ELL2: variants seen among roughly 807,000 people sequenced by gnomAD.
The protein encoded by ELL2 is RNA polymerase II elongation factor ELL2.
In ELL2, 21 loss-of-function variants were observed where a neutral mutation model predicts 72.8. The ratio of observed to expected loss-of-function variants is 0.29; its 90% CI spans 0.20 to 0.42. The LOEUF (loss-of-function observed/expected upper bound fraction) is 0.42, where lower values mean the gene tolerates loss of function less well. Ranked by LOEUF, ELL2 falls within the 10% of genes least tolerant of loss-of-function variation. ELL2 has a pLI of 1.00. For missense variants in ELL2, 568 were observed against 772.8 expected, an observed-to-expected ratio of 0.73 and a Z score of 3.14; for synonymous variants, 266 against 283.2, an observed-to-expected ratio of 0.94 and a Z score of 0.61.
intron 2 of ELL2, among the ~76,000 whole-genome samples, chr5:95,942,611 A>G (rs182996773): frequency 6.6e-6 from 1 of 152,320 alleles, no homozygotes; most frequent in African/African-American, 2.4e-5. Context: ...AAGTGCACAC[A>G]CAGCAAAATT....
rs1264281429 is a variant in ELL2, at chr5:95,886,254, T to A, written c.*2617A>T. On this transcript the variant is annotated 3_prime_UTR_variant, in exon 12 of 12. Coordinates refer to ENST00000237853, the MANE Select transcript of ELL2 (RefSeq NM_012081.6). ...CGAAAAATGATTATAAATATTTTAA[T>A]AGGCTCATGCCTCATCTTCAAAAGG... The A allele has an allele frequency of 1.3e-5, 2 of 152,222 alleles. No homozygotes were observed. The highest frequency in any genetic ancestry group is 4.8e-5 in the African/African-American group (2 of 41,468). The allele number at this position is 152,222 out of a possible 1,614,324, so 9.4% of individuals were successfully genotyped here.
intron 5 of ELL2, 162 bp from the exon 6 acceptor site, chr5:95,901,242 C>T (rs924199725): frequency 8.9e-6 from 6 of 670,782 alleles, no homozygotes; most frequent in Non-Finnish European, 1.1e-5. Context: ...ATGCCATTAA[C>T]TTCATTTTGG....
chr5:95,914,801 C>A (rs138194963), intron 3 of ELL2, among the ~76,000 whole-genome samples: 2 of 151,730 alleles, frequency 1.3e-5, no homozygotes, highest in East Asian at 3.9e-4. Context: ...GCTGAGATGG[C>A]GCCACTGCAC....
At chr5:95,937,650 A>G (rs1211842366) in intron 2 of ELL2, among the ~76,000 whole-genome samples, 1 of 152,194 alleles carries the variant, frequency 6.6e-6, no homozygotes, top group African/African-American at 2.4e-5. Flanking sequence ...AAAATATTAG[A>G]TGATATCTAT....
At chr5:95,919,372 C>T (rs1749958524) in intron 3 of ELL2, 52 bp downstream of exon 3, 2 of 1,554,376 alleles carry the variant, frequency 1.3e-6, no homozygotes, top group Non-Finnish European at 1.7e-6. Context: ...TTTTCTAAAA[C>T]CCTCTTAAAT....
intron 9 of ELL2, among the ~76,000 whole-genome samples, chr5:95,892,149 CTT>C (rs58579572): frequency 4.2e-5 from 6 of 144,088 alleles, no homozygotes; most frequent in Non-Finnish European, 3.1e-5. Flanking sequence ...TACAGTATTA[CTT>C]TTTTTTTTTT....
At chr5:95,938,670 T>C (rs1327353390) in intron 2 of ELL2, among the ~76,000 whole-genome samples, 1 of 152,108 alleles carries the variant, frequency 6.6e-6, no homozygotes, top group Non-Finnish European at 1.5e-5. Context: ...TGCAGTAAGC[T>C]ATGATTGTGC....
At chr5:95,927,812 T>C (rs1044862044) in intron 2 of ELL2, among the ~76,000 whole-genome samples, 1 of 117,126 alleles carries the variant, frequency 8.5e-6, no homozygotes, top group Admixed American at 7.7e-5. Context: ...CACATATGTG[T>C]GTATATAGAC....
intron 3 of ELL2, among the ~76,000 whole-genome samples, chr5:95,916,135 G>A (rs775047035): frequency 4.0e-5 from 6 of 151,144 alleles, no homozygotes; most frequent in Admixed American, 6.7e-5. Context: ...CAGAGATAGT[G>A]AGGAAGTGGA....
chr5:95,950,898 GTATGTGTATATATA>G (rs1196413832), intron 1 of ELL2, among the ~76,000 whole-genome samples: 2 of 29,284 alleles, frequency 6.8e-5, no homozygotes, highest in South Asian at 1.2e-3. Flanking sequence ...ATGTATGTAT[GTATGTGTATATATA>G]TATATATATA....
rs10644804 is a variant in ELL2 at position 95,918,877 on chromosome 5, C to CT, written c.317+546dup. On this transcript the variant is annotated intron_variant, in intron 3 of 11. Transcript: ENST00000237853. ...TGTGTATATTCTTGTCTTCCTCCTC[C>CT]TTTTTTTTTTTTTCTTTTTTTTTAA... Among the ~76,000 whole-genome samples the CT allele has an allele frequency of 8.4e-3, 1,202 of 142,686 alleles. 23 individuals are homozygous for CT. Among genetic ancestry groups the CT allele is most frequent in the African/African-American group, 0.026 (1,007 of 38,792 alleles). The allele number at this position is 142,686 out of a possible 152,430, so 93.6% of individuals were successfully genotyped here.
intron 2 of ELL2, among the ~76,000 whole-genome samples, chr5:95,939,002 G>A (rs895277775): frequency 6.6e-6 from 1 of 152,120 alleles, no homozygotes; most frequent in Non-Finnish European, 1.5e-5. Flanking sequence ...GCAGATATGG[G>A]CATTATTCAC....
At chr5:95,957,745 T>C (rs1483395751) in intron 1 of ELL2, among the ~76,000 whole-genome samples, 2 of 152,184 alleles carry the variant, frequency 1.3e-5, no homozygotes, top group Non-Finnish European at 2.9e-5. Context: ...ATTATGTGTC[T>C]TTTGAAACAG....
rs533608660 is a variant in ELL2 at position 95,954,641 on chromosome 5, C to A, written c.147+6934G>T. On this transcript the variant is annotated intron_variant, in intron 1 of 11. Coordinates refer to ENST00000237853, the MANE Select transcript of ELL2 (RefSeq NM_012081.6). Reference sequence around the variant, plus strand: ...TATTTTAGTAGAGACAGGGTTTCACCGTGTTAGCCAGGATGGTCTCGATTT... The same window carrying A: ...TATTTTAGTAGAGACAGGGTTTCACAGTGTTAGCCAGGATGGTCTCGATTT... Among the ~76,000 whole-genome samples, 36 of 140,398 alleles carry A rather than the reference C, an allele frequency of 2.6e-4. 1 individual carries two copies. In the East Asian group the frequency reaches 5.8e-3, roughly 23 times the overall value. The allele number at this position is 140,398 out of a possible 152,430, so 92.1% of individuals were successfully genotyped here.
chr5:95,939,560 T>C (rs1422577382), intron 2 of ELL2, among the ~76,000 whole-genome samples: 2 of 152,236 alleles, frequency 1.3e-5, no homozygotes, highest in Non-Finnish European at 2.9e-5. Context: ...TAACAACTGC[T>C]ATTACAGTAT....
intron 1 of ELL2, 121 bp from the exon 2 acceptor site, chr5:95,943,170 C>A: frequency 1.5e-6 from 1 of 682,538 alleles, no homozygotes; most frequent in Non-Finnish European, 2.2e-6. Flanking sequence ...ACTCTAATCC[C>A]AGCACTTTGG....
At chr5:95,902,000 G>A (rs1749161412) in intron 5 of ELL2, among the ~76,000 whole-genome samples, 1 of 152,200 alleles carries the variant, frequency 6.6e-6, no homozygotes, top group African/African-American at 2.4e-5. Flanking sequence ...GATCATGGTT[G>A]ACCATAGGTA....
intron 5 of ELL2, among the ~76,000 whole-genome samples, chr5:95,902,376 C>T (rs1749175843): frequency 1.3e-5 from 2 of 152,204 alleles, no homozygotes; most frequent in South Asian, 2.1e-4. Flanking sequence ...TGTTATTAGT[C>T]AGCCAGTTTA....
chr5:95,899,887 C>A (rs886384377), intron 7 of ELL2, among the ~76,000 whole-genome samples: 2 of 152,090 alleles, frequency 1.3e-5, no homozygotes, highest in Non-Finnish European at 2.9e-5. Flanking sequence ...CTGTTCCTCA[C>A]AATAAGTTTC....
Sources: gnomAD v4.1 joint callset for allele counts (sites outside exome capture counted in the v4.1 genomes callset) on GRCh38, gnomAD v4.1.1 for gene constraint, MANE v1.5 for transcripts, NCBI Gene and HGNC (gene_info 2026-07-23, HGNC 2026-07-21) for gene names.